Variants in BICD2 observed in about 807,000 individuals in gnomAD.
The protein encoded by BICD2 is protein bicaudal D homolog 2.
A neutral mutation model predicts 72.9 loss-of-function variants in BICD2; 25 were observed. That is an observed-to-expected ratio of 0.34 (90% CI 0.25 to 0.48). The LOEUF (loss-of-function observed/expected upper bound fraction) is 0.48, where lower values mean the gene tolerates loss of function less well. Ranked by LOEUF, BICD2 falls within the 20% of genes least tolerant of loss-of-function variation. The probability of loss-of-function intolerance (pLI) is 0.99; values close to 1 mark genes in which losing one functional copy is unlikely to be tolerated. For synonymous variants in BICD2, 501 were observed against 516.1 expected (o/e 0.97, Z 0.40); for missense variants, 894 against 1,175.2 (o/e 0.76, Z 3.50).
intron 6 of BICD2, among the ~76,000 whole-genome samples, chr9:92,716,267 G>A (rs980307570): frequency 6.6e-6 from 1 of 152,150 alleles, no homozygotes; most frequent in Non-Finnish European, 1.5e-5. Context: ...CCTTTTGAGG[G>A]CACACAGAGC....
chr9:92,712,860 C>G lies in BICD2; in HGVS notation c.*2294G>C, dbSNP rs1329114683. On this transcript the variant is annotated 3_prime_UTR_variant, in exon 7 of 7. Transcript: ENST00000356884. The stretch of plus-strand genomic sequence containing the variant: ...GTAATTTCAAACATGAACCACAATG[C>G]CGTATGATCTAAAGGCTGCTGAACC... 1 of 152,372 alleles carries G rather than the reference C, an allele frequency of 6.6e-6. No individual in the cohort carries two copies. The highest frequency in any genetic ancestry group is 2.4e-5 in the African/African-American group (1 of 41,434). The allele number at this position is 152,372 out of a possible 1,614,324, so 9.4% of individuals were successfully genotyped here.
At chr9:92,745,996 C>T (rs1450596190) in intron 1 of BICD2, among the ~76,000 whole-genome samples, 1 of 152,190 alleles carries the variant, frequency 6.6e-6, no homozygotes, top group Non-Finnish European at 1.5e-5. Flanking sequence ...ACCTAGAAAG[C>T]TTGGACTCAA....
intron 1 of BICD2, among the ~76,000 whole-genome samples, chr9:92,762,459 G>C (rs189712221): frequency 6.6e-6 from 1 of 152,212 alleles, no homozygotes; most frequent in Non-Finnish European, 1.5e-5. Context: ...ACCTTACAAA[G>C]GAGAACTAGA....
At chr9:92,759,567 A>G (rs1854329452) in intron 1 of BICD2, among the ~76,000 whole-genome samples, 1 of 152,192 alleles carries the variant, frequency 6.6e-6, no homozygotes, top group Non-Finnish European at 1.5e-5. Context: ...AGCTTGGGAC[A>G]GCAGGGTTTG....
chr9:92,731,958 A>G (rs1358798585), intron 1 of BICD2, among the ~76,000 whole-genome samples: 1 of 152,268 alleles, frequency 6.6e-6, no homozygotes, highest in Non-Finnish European at 1.5e-5. Context: ...AGAGCAAAGC[A>G]TAAAGACAAA....
intron 1 of BICD2, among the ~76,000 whole-genome samples, chr9:92,737,782 G>A (rs757664653): frequency 8.5e-5 from 13 of 152,218 alleles, no homozygotes; most frequent in Non-Finnish European, 1.5e-4. Flanking sequence ...AGGCTGGAAG[G>A]GCTGAAACCC....
intron 2 of BICD2, 130 bp downstream of exon 2, chr9:92,728,894 A>G: frequency 1.0e-6 from 1 of 987,684 alleles, no homozygotes; most frequent in Non-Finnish European, 1.5e-6. Context: ...AGACCAGGAA[A>G]GCAAGACAGA....
Position 92,713,611 on chromosome 9 carries a change from C to A in BICD2, c.*1543G>T. ...CATGTGTTAGCAGGGGTCCCAGTGGCTTGGGTGTCTGCAAAGTCCCTTAGG... is the reference window on the plus strand; with the variant it reads ...CATGTGTTAGCAGGGGTCCCAGTGGATTGGGTGTCTGCAAAGTCCCTTAGG... On this transcript the variant is annotated 3_prime_UTR_variant, in exon 7 of 7. Transcript: ENST00000356884. 3 of 1,518,992 alleles carry A rather than the reference C, an allele frequency of 2.0e-6. No individual in the cohort carries two copies. Among genetic ancestry groups the A allele is most frequent in the Non-Finnish European group, 2.7e-6 (3 of 1,127,870 alleles). The allele number at this position is 1,518,992 out of a possible 1,614,324, so 94.1% of individuals were successfully genotyped here.
intron 1 of BICD2, among the ~76,000 whole-genome samples, chr9:92,735,587 T>A (rs1306454567): frequency 2.0e-5 from 3 of 151,404 alleles, no homozygotes; most frequent in African/African-American, 7.3e-5. Context: ...GAAGGGCAGC[T>A]GCAACCAGAC....
In BICD2 at chr9:92,764,363, C is replaced by T. The variant is rs1854436450; in HGVS notation, c.240+142G>A. 4 of 1,208,858 alleles carry T rather than the reference C, an allele frequency of 3.3e-6. No individual in the cohort carries two copies. Among genetic ancestry groups the T allele is most frequent in the East Asian group, 6.5e-5 (2 of 30,944 alleles). The allele number at this position is 1,208,858 out of a possible 1,614,324, so 74.9% of individuals were successfully genotyped here. A position where few individuals can be genotyped will look rare whatever the true frequency, so the allele number is the denominator to read the frequency against. On this transcript the variant is annotated intron_variant, in intron 1 of 6. Coordinates refer to ENST00000356884, the MANE Select transcript of BICD2 (RefSeq NM_001003800.2). The surrounding 1 kb of genome is among the most constrained non-coding windows in gnomAD (Gnocchi z 5.5). Reference sequence around the variant, plus strand: ...CCAAGGCCGGGCCCACTCCCACATACTGCCCGTGCCCCCTCCGCCCCGGCG... The same window carrying T: ...CCAAGGCCGGGCCCACTCCCACATATTGCCCGTGCCCCCTCCGCCCCGGCG...
intron 2 of BICD2, among the ~76,000 whole-genome samples, chr9:92,728,405 CA>C (rs1853609151): frequency 1.3e-5 from 2 of 152,348 alleles, no homozygotes; most frequent in Middle Eastern, 3.4e-3. Flanking sequence ...TGCCATGTAC[CA>C]ATGGCTGTCC....
Position 92,764,772 on chromosome 9 carries a change from C to G in BICD2, c.-28G>C. On this transcript the variant is annotated 5_prime_UTR_variant, in exon 1 of 7. Coordinates refer to ENST00000356884, the MANE Select transcript of BICD2 (RefSeq NM_001003800.2). This position sits in a 1 kb window ranked among gnomAD's most constrained non-coding sequence, Gnocchi z 5.5. ...TGGCCGAGGGCTGAGCCGGCTCCCA[C>G]TGAGGCTCTCGCAGGCCGGGCCCTC... The G allele has an allele frequency of 6.8e-7, 1 of 1,481,210 alleles. No individual in the cohort carries two copies. 91.8% of individuals were successfully genotyped at this position (1,481,210 alleles called of 1,614,324 possible).
chr9:92,747,015 GA>G (rs1854027200), intron 1 of BICD2, among the ~76,000 whole-genome samples: 1 of 152,236 alleles, frequency 6.6e-6, no homozygotes, highest in African/African-American at 2.4e-5. Context: ...ATGCAGCCTG[GA>G]CTGAAATGGG....
At chr9:92,722,562 G>T in intron 3 of BICD2, 94 bp downstream of exon 3, 1 of 1,540,844 alleles carries the variant, frequency 6.5e-7, no homozygotes, top group East Asian at 2.3e-5. Flanking sequence ...AATAAGACAG[G>T]AACCCCTTCC....
intron 1 of BICD2, 148 bp from the exon 2 acceptor site, chr9:92,729,384 G>T: frequency 1.2e-6 from 1 of 824,396 alleles, no homozygotes; most frequent in South Asian, 1.7e-5. Flanking sequence ...TGACCTGGGA[G>T]GTGCATCTGT....
At chr9:92,729,352 G>A in intron 1 of BICD2, 116 bp from the exon 2 acceptor site, 1 of 1,156,036 alleles carries the variant, frequency 8.7e-7, no homozygotes, top group East Asian at 2.5e-5. Context: ...AACGGGGACT[G>A]TGGGCCTGAA....
At chr9:92,747,360 T>C (rs1427777192) in intron 1 of BICD2, among the ~76,000 whole-genome samples, 3 of 152,190 alleles carry the variant, frequency 2.0e-5, no homozygotes, top group African/African-American at 7.2e-5. Context: ...GGCCCCTGGC[T>C]ACACTGGGAA....
chr9:92,725,560 C>T (rs546817721), intron 2 of BICD2, among the ~76,000 whole-genome samples: 5 of 152,328 alleles, frequency 3.3e-5, no homozygotes, highest in African/African-American at 2.4e-5. Flanking sequence ...TGATGTCAGC[C>T]CAAAGAAGTA....
Position 92,764,303 on chromosome 9 carries a change from C to A in BICD2, c.240+202G>T, listed in dbSNP as rs921861613. The stretch of plus-strand genomic sequence containing the variant: ...CAAGGCGCCCGGACCCCTGCATTAG[C>A]GGCGTCTGCAACGGCCGCGGCACCG... On this transcript the variant is annotated intron_variant, in intron 1 of 6. Transcript: ENST00000356884. This position sits in a 1 kb window ranked among gnomAD's most constrained non-coding sequence, Gnocchi z 5.5. 6.6e-6 allele frequency among the ~76,000 whole-genome samples: 1 copy of A among 152,178 alleles called. No homozygotes were observed. The highest frequency in any genetic ancestry group is 1.9e-4 in the East Asian group (1 of 5,178).
Sources: gnomAD v4.1 joint callset for allele counts (sites outside exome capture counted in the v4.1 genomes callset) on GRCh38, gnomAD v4.1.1 for gene constraint, Gnocchi (gnomAD v3.1) non-coding constraint, MANE v1.5 for transcripts, NCBI Gene and HGNC (gene_info 2026-07-23, HGNC 2026-07-21) for gene names.